Variants in ZNF808 observed in about 807,000 individuals in gnomAD.
The protein encoded by ZNF808 is zinc finger protein 808.
In ZNF808, 5 loss-of-function variants were observed where a neutral mutation model predicts 8.7. The ratio of observed to expected loss-of-function variants is 0.58; its 90% CI spans 0.30 to 1.21. The LOEUF is 1.21. ZNF808 is among the 50% of genes most tolerant of loss of function. The pLI, the probability that ZNF808 is intolerant of heterozygous loss-of-function variation, is 0.07. For missense variants in ZNF808, 1,103 were observed against 1,098.4 expected, an observed-to-expected ratio of 1.00 and a Z score of -0.06; for synonymous variants, 380 against 366.0, an observed-to-expected ratio of 1.04 and a Z score of -0.44.
At chr19:52,550,356 G>A (rs763557095) in intron 4 of ZNF808, among the ~76,000 whole-genome samples, 1 of 151,694 alleles carries the variant, frequency 6.6e-6, no homozygotes, top group Admixed American at 6.6e-5. Flanking sequence ...TCAGCCTTCT[G>A]AGTAGCTGGG....
chr19:52,540,889 C>A (rs888495535), intron 2 of ZNF808, among the ~76,000 whole-genome samples: 5 of 152,160 alleles, frequency 3.3e-5, no homozygotes, highest in African/African-American at 4.8e-5. Flanking sequence ...GCCATCAGAA[C>A]CTTACAACTT....
downstream of ZNF808, among the ~76,000 whole-genome samples, chr19:52,568,443 C>T (rs116702567): frequency 0.014 from 2,084 of 152,240 alleles, 37 homozygotes; most frequent in African/African-American, 0.042. Flanking sequence ...AAAAAGTTTT[C>T]GTGTAAATAA....
At chr19:52,558,622 G>A (rs1430984809), downstream of ZNF808, among the ~76,000 whole-genome samples, 1 of 151,982 alleles carries the variant, frequency 6.6e-6, no homozygotes, top group African/African-American at 2.4e-5. Context: ...CGCCCGCCTC[G>A]GCCTCCCAAA....
chr19:52,563,328 A>T (rs2123230158), exon 4 of ZNF808: 1 of 152,274 alleles, frequency 6.6e-6, no homozygotes, highest in East Asian at 1.9e-4. Context: ...GCTTTTCAGT[A>T]AGTGGTATGC....
Position 52,554,741 on chromosome 19 carries a change from G to C in ZNF808, c.1825G>C (p.Ala609Pro). 6.2e-7 allele frequency: 1 copy of C among 1,613,304 alleles called. No individual in the cohort carries two copies. Among genetic ancestry groups the C allele is most frequent in the Admixed American group, 1.7e-5 (1 of 59,942 alleles). Residue 609 changes from alanine to proline, a missense_variant, in exon 5 of 5, where the codon GCT (alanine) becomes CCT (proline). By Grantham distance (27) the Ala-to-Pro change is conservative (BLOSUM62 -1). Coordinates refer to ENST00000359798, the MANE Select transcript of ZNF808 (RefSeq NM_001039886.4). ...TGACAAAGTTTTTGGTCAGAAATCA[G>C]CTCTTGAGTCACATAAGAGAATTCA... is the stretch of plus-strand genomic sequence containing the variant. ...ACDKVFGQKS[A>P]LESHKRIHTG...
chr19:52,543,199 TG>T, intron 2 of ZNF808, 66 bp from the exon 3 acceptor site: 1 of 1,531,422 alleles, frequency 6.5e-7, no homozygotes, highest in Non-Finnish European at 8.9e-7. Flanking sequence ...TCCCGGTTCA[TG>T]TGGTTTTGTC....
intron 1 of ZNF808, among the ~76,000 whole-genome samples, chr19:52,531,637 T>C (rs1229775469): frequency 6.6e-6 from 1 of 152,152 alleles, no homozygotes; most frequent in Non-Finnish European, 1.5e-5. Context: ...AATATAAACA[T>C]TCAGACCAGG....
At chr19:52,541,781 T>C (rs2059672904) in intron 2 of ZNF808, among the ~76,000 whole-genome samples, 2 of 151,978 alleles carry the variant, frequency 1.3e-5, no homozygotes, top group Non-Finnish European at 2.9e-5. Context: ...CTTACACGAC[T>C]CCATGTCCCC....
intron 3 of ZNF808, among the ~76,000 whole-genome samples, chr19:52,545,136 A>G (rs186065980): frequency 6.6e-6 from 1 of 152,222 alleles, no homozygotes; most frequent in Non-Finnish European, 1.5e-5. Flanking sequence ...GATAGGCATC[A>G]GTGGTACAGG....
rs267605638 is a variant in ZNF808 at position 52,555,234 on chromosome 19, G to T, written c.2318G>T (p.Arg773Leu). ...TGTAACGACTGTGGCAATACCTTCC[G>T]TCACTGGTCATCCCTTGTATACCAT... Reference protein sequence around the residue: ...YKCNDCGNTFRHWSSLVYHRR... With the variant: ...YKCNDCGNTFLHWSSLVYHRR... The change falls in exon 5 of 5, where the codon CGT becomes CTT. Residue 773 changes from arginine (R) to leucine (L), a missense_variant. Physicochemically the swap from Arg to Leu is moderately radical, Grantham distance 102. Transcript: ENST00000359798. 1.9e-6 allele frequency: 3 copies of T among 1,613,820 alleles called. No homozygotes were observed. The highest frequency in any genetic ancestry group is 2.5e-6 in the Non-Finnish European group (3 of 1,180,014).
downstream of ZNF808, among the ~76,000 whole-genome samples, chr19:52,566,695 CTGTT>C (rs1354923925): frequency 6.6e-6 from 1 of 152,078 alleles, no homozygotes; most frequent in Non-Finnish European, 1.5e-5. Flanking sequence ...AGTGGATAAA[CTGTT>C]AAACAGGATC....
At chr19:52,552,262 C>T (rs545804646) in intron 4 of ZNF808, among the ~76,000 whole-genome samples, 2 of 152,088 alleles carry the variant, frequency 1.3e-5, no homozygotes, top group East Asian at 1.9e-4. Context: ...TGTGATCCAC[C>T]CTTCTCGGCC....
chr19:52,561,196 CTCTCTCTCTCTCTCTCTATA>C (rs1160215748), downstream of ZNF808, among the ~76,000 whole-genome samples: 582 of 60,628 alleles, frequency 9.6e-3, 6 homozygotes, highest in Admixed American at 0.02. Flanking sequence ...CTCTCTCTCT[CTCTCTCTCTCTCTCTCTATA>C]TATATATATA....
intron 3 of ZNF808, among the ~76,000 whole-genome samples, chr19:52,545,361 A>G (rs1284939149): frequency 6.6e-6 from 1 of 152,214 alleles, no homozygotes; most frequent in Non-Finnish European, 1.5e-5. Flanking sequence ...GTGCATGAAT[A>G]CATGGGTGGA....
downstream of ZNF808, among the ~76,000 whole-genome samples, chr19:52,566,959 T>TTTG (rs1208324277): frequency 2.7e-5 from 4 of 148,618 alleles, no homozygotes; most frequent in East Asian, 5.8e-4. Flanking sequence ...GGATAGGTGT[T>TTTG]TTTTTTTTTT....
downstream of ZNF808, among the ~76,000 whole-genome samples, chr19:52,561,069 G>A (rs2123225735): frequency 6.6e-6 from 1 of 152,036 alleles, no homozygotes; most frequent in South Asian, 2.1e-4. Flanking sequence ...TGATCCATGA[G>A]GGATGGCTTC....
intron 1 of ZNF808, among the ~76,000 whole-genome samples, chr19:52,532,118 T>C (rs1193036483): frequency 6.6e-6 from 1 of 152,234 alleles, no homozygotes; most frequent in African/African-American, 2.4e-5. Context: ...GGCTTTTCAG[T>C]ATATGATATG....
chr19:52,544,056 G>C (rs2059698174), intron 3 of ZNF808, among the ~76,000 whole-genome samples: 1 of 152,140 alleles, frequency 6.6e-6, no homozygotes, highest in African/African-American at 2.4e-5. Flanking sequence ...CTACTCAGGA[G>C]GCTGAGGTAG....
intron 2 of ZNF808, among the ~76,000 whole-genome samples, chr19:52,534,728 A>C (rs1468988361): frequency 6.6e-6 from 1 of 152,018 alleles, no homozygotes; most frequent in Non-Finnish European, 1.5e-5. Flanking sequence ...GTCTCTACCA[A>C]AAATATGAAA....
Sources: allele counts gnomAD v4.1 joint callset (sites outside exome capture counted in the v4.1 genomes callset), GRCh38; gene constraint gnomAD v4.1.1; transcripts MANE v1.5; gene names NCBI Gene and HGNC (gene_info 2026-07-23, HGNC 2026-07-21).